The following ASH1L variants were observed in gnomAD, a reference collection of about 807,000 sequenced individuals.
The protein encoded by ASH1L is ASH1 like histone lysine methyltransferase.
In ASH1L, 23 loss-of-function variants were observed where a neutral mutation model predicts 269.0. That is an observed-to-expected ratio of 0.09 (90% CI 0.06 to 0.12). The LOEUF is 0.12. Among genes scored for constraint, ASH1L ranks in the 10% least tolerant of loss-of-function variants. ASH1L has a pLI of 1.00. For missense variants in ASH1L, 2,912 were observed against 3,567.8 expected (o/e 0.82, Z 4.68); for synonymous variants, 1,187 against 1,253.5 (o/e 0.95, Z 1.12).
chr1:155,430,326 C>T (rs1440139806), intron 5 of ASH1L, among the ~76,000 whole-genome samples: 1 of 152,016 alleles, frequency 6.6e-6, no homozygotes, highest in African/African-American at 2.4e-5. Flanking sequence ...AGCCCATATT[C>T]TCTTTAATGA....
At chr1:155,390,946 C>A (rs1352361037) in intron 7 of ASH1L, among the ~76,000 whole-genome samples, 1 of 148,270 alleles carries the variant, frequency 6.7e-6, no homozygotes, top group South Asian at 2.1e-4. Context: ...ACCACACCTG[C>A]CTGTGTTTTT....
chr1:155,346,331 T>G, intron 21 of ASH1L, 52 bp downstream of exon 21: 1 of 1,571,534 alleles, frequency 6.4e-7, no homozygotes, highest in Non-Finnish European at 8.8e-7. Context: ...TGAGATACCA[T>G]GTGCTACCTC....
chr1:155,480,589 T>C lies in ASH1L; in HGVS notation c.2281A>G (p.Met761Val). ...SNSNSEPAKF[M>V]KNIGPPSFVD... ...AATGAAGGGGGTCCAATGTTTTTCA[T>C]AAACTTGGCTGGCTCAGAATTACTA... The change falls in exon 3 of 28, where the codon ATG becomes GTG. Residue 761 changes from methionine (M) to valine (V), a missense_variant. Physicochemically the swap from Met to Val is conservative, Grantham distance 21 (BLOSUM62 1). Around this residue, in one of 13 missense-constraint regions of ASH1L, gnomAD observed 715 missense variants for 721.0 expected, o/e 0.99. Coordinates refer to ENST00000392403, the MANE Select transcript of ASH1L (RefSeq NM_018489.3). 6.2e-7 allele frequency: 1 copy of C among 1,614,154 alleles called. No homozygotes were observed. Among genetic ancestry groups the C allele is most frequent in the Non-Finnish European group, 8.5e-7 (1 of 1,179,976 alleles).
intron 5 of ASH1L, 28 bp from the exon 6 acceptor site, chr1:155,415,951 T>C (rs914541984): frequency 1.4e-6 from 2 of 1,444,652 alleles, no homozygotes; most frequent in Non-Finnish European, 1.8e-6. Flanking sequence ...AAGATAATTT[T>C]ATTATGAAAA....
chr1:155,438,867 T>C lies in ASH1L; in HGVS notation c.5288A>G (p.Asp1763Gly), dbSNP rs199958927. The change falls in exon 5 of 28, where the codon GAC (aspartate) becomes GGC (glycine). Residue 1763 changes from aspartate to glycine, a missense_variant. By Grantham distance (94) the Asp-to-Gly change is moderately conservative. Around this residue, in one of 13 missense-constraint regions of ASH1L, gnomAD observed 789 missense variants for 897.6 expected, o/e 0.88. Transcript: ENST00000392403. ...TGTGACTGCAGGCACTAAAAGGCTG[T>C]CTGGTTTTCCCAGGGTTCGGTCCTT... is the stretch of plus-strand genomic sequence containing the variant. ...HSKDRTLGKP[D>G]SLLVPAVTSD... The C allele has an allele frequency of 2.2e-5, 36 of 1,614,100 alleles. No individual in the cohort carries two copies. Among genetic ancestry groups the C allele is most frequent in the Non-Finnish European group, 3.1e-5 (36 of 1,180,058 alleles).
chr1:155,517,793 CTTTTTTTT>C (rs780065449), intron 2 of ASH1L, among the ~76,000 whole-genome samples: 1 of 70,918 alleles, frequency 1.4e-5, no homozygotes, highest in East Asian at 5.6e-4. Flanking sequence ...CCAATAATTT[CTTTTTTTT>C]TTTTTTTTTT....
intron 3 of ASH1L, among the ~76,000 whole-genome samples, chr1:155,462,047 G>A (rs113850196): frequency 1.6e-4 from 24 of 152,204 alleles, no homozygotes; most frequent in African/African-American, 4.3e-4. Context: ...TGATCCGCCC[G>A]CCTCAGCCTC....
intron 10 of ASH1L, among the ~76,000 whole-genome samples, chr1:155,372,607 C>T (rs551106348): frequency 6.6e-6 from 1 of 150,904 alleles, no homozygotes; most frequent in Non-Finnish European, 1.5e-5. Flanking sequence ...TTGTGCCTGG[C>T]CTTTTTTTTT....
chr1:155,539,204 G>C (rs1340886904), intron 1 of ASH1L, among the ~76,000 whole-genome samples: 1 of 151,866 alleles, frequency 6.6e-6, no homozygotes, highest in Non-Finnish European at 1.5e-5. Flanking sequence ...CTGGAGTGCA[G>C]TGGCACTCAT....
intron 4 of ASH1L, among the ~76,000 whole-genome samples, chr1:155,449,114 T>G (rs1663261389): frequency 6.6e-6 from 1 of 152,124 alleles, no homozygotes; most frequent in African/African-American, 2.4e-5. Flanking sequence ...TTTTGTATTT[T>G]TAGCAGAGAT....
intron 1 of ASH1L, among the ~76,000 whole-genome samples, chr1:155,525,394 C>T (rs1669183151): frequency 6.6e-6 from 1 of 151,806 alleles, no homozygotes; most frequent in African/African-American, 2.4e-5. Flanking sequence ...TGACACGGAC[C>T]CATTTTAGTC....
chr1:155,425,502 G>C (rs1250171102), intron 5 of ASH1L, among the ~76,000 whole-genome samples: 1 of 150,350 alleles, frequency 6.7e-6, no homozygotes, highest in South Asian at 2.1e-4. Flanking sequence ...GCAATGGTGC[G>C]ATCTTGGCTC....
At chr1:155,374,051 G>A (rs1006358747) in intron 10 of ASH1L, among the ~76,000 whole-genome samples, 1 of 152,082 alleles carries the variant, frequency 6.6e-6, no homozygotes, top group African/African-American at 2.4e-5. Context: ...TTTAAAGGCC[G>A]GGCACGGTGG....
intron 1 of ASH1L, among the ~76,000 whole-genome samples, chr1:155,527,458 C>T (rs903802050): frequency 1.3e-5 from 2 of 151,532 alleles, no homozygotes; most frequent in African/African-American, 4.8e-5. Flanking sequence ...GTCCTCTCAT[C>T]TTACCTGACC....
intron 2 of ASH1L, among the ~76,000 whole-genome samples, chr1:155,497,111 A>C (rs1667203542): frequency 6.6e-6 from 1 of 152,100 alleles, no homozygotes; most frequent in Admixed American, 6.6e-5. Flanking sequence ...TTTTCCATAC[A>C]AACCTTACAA....
chr1:155,434,502 GT>G lies in ASH1L; in HGVS notation c.5828+3824del, dbSNP rs1336063488. On this transcript the variant is annotated intron_variant, in intron 5 of 27. Coordinates refer to ENST00000392403, the MANE Select transcript of ASH1L (RefSeq NM_018489.3). ...ACTTTTTTCTTAAGCCTGGGACACA[GT>G]AAAAAAAAAAAAAAAAAAAAAAAAT... 2.6e-4 allele frequency among the ~76,000 whole-genome samples: 29 copies of G among 109,598 alleles called. No individual in the cohort carries two copies. The East Asian group carries it at 7.5e-3, about 28-fold the overall frequency. 71.9% of individuals were successfully genotyped at this position (109,598 alleles called of 152,430 possible).
intron 21 of ASH1L, among the ~76,000 whole-genome samples, chr1:155,345,009 T>C (rs1364435818): frequency 6.6e-6 from 1 of 151,824 alleles, no homozygotes; most frequent in Non-Finnish European, 1.5e-5. Context: ...CAGGCTGGGG[T>C]GCAGTGGTGC....
intron 2 of ASH1L, among the ~76,000 whole-genome samples, chr1:155,506,378 A>AT (rs1229288180): frequency 5.3e-5 from 8 of 152,184 alleles, no homozygotes; most frequent in African/African-American, 1.9e-4. Flanking sequence ...CTAAGGCACT[A>AT]TTATTATCCA....
chr1:155,368,016 T>C (rs1021846413), intron 12 of ASH1L, among the ~76,000 whole-genome samples: 1 of 152,178 alleles, frequency 6.6e-6, no homozygotes, highest in African/African-American at 2.4e-5. Flanking sequence ...GTCTTCATTT[T>C]TTTAAATAGA....
Sources: gnomAD v4.1 joint callset for allele counts (sites outside exome capture counted in the v4.1 genomes callset) on GRCh38, gnomAD v4.1.1 for gene constraint, gnomAD v4.1.1 regional missense constraint, MANE v1.5 for transcripts, NCBI Gene and HGNC (gene_info 2026-07-23, HGNC 2026-07-21) for gene names.